Variants in KIAA1217 observed in about 807,000 individuals in gnomAD.
The protein encoded by KIAA1217 is KIAA1217.
KIAA1217 carries 88 observed loss-of-function variants against 163.9 expected under a neutral mutation model. The ratio of observed to expected loss-of-function variants is 0.54; its 90% CI spans 0.45 to 0.64. The LOEUF is 0.64. Ranked by LOEUF, KIAA1217 falls within the 30% of genes least tolerant of loss-of-function variation. The probability of loss-of-function intolerance (pLI) is 0.00; values close to 1 mark genes in which losing one functional copy is unlikely to be tolerated. For missense variants in KIAA1217, 2,372 were observed against 2,475.0 expected (o/e 0.96, Z 0.88); for synonymous variants, 903 against 923.1 (o/e 0.98, Z 0.39).
intron 2 of KIAA1217, among the ~76,000 whole-genome samples, chr10:24,367,661 TC>T (rs2050972277): frequency 6.6e-6 from 1 of 152,234 alleles, no homozygotes; most frequent in Admixed American, 6.5e-5. Context: ...TTCCAATGTG[TC>T]CAATGTTGGG....
At chr10:24,278,674 C>A (rs558536976) in intron 2 of KIAA1217, among the ~76,000 whole-genome samples, 1 of 152,118 alleles carries the variant, frequency 6.6e-6, no homozygotes, top group African/African-American at 2.4e-5. Context: ...CTAATGTGTG[C>A]TGTCTAGTGG....
rs977198920 is a variant in KIAA1217 at position 23,901,192 on chromosome 10, G to T, written c.-320-106033G>T. Among the ~76,000 whole-genome samples, 8 of 151,972 alleles carry T rather than the reference G, an allele frequency of 5.3e-5. 1 individual carries two copies. The highest frequency in any genetic ancestry group is 1.9e-4 in the African/African-American group (8 of 41,394). ...ATAAAGTAATTATAATTATTATTTA[G>T]CTGGGGAAATTTAGGTTAACAGAGG... On this transcript the variant is annotated intron_variant, in intron 1 of 18. Coordinates refer to the KIAA1217 transcript ENST00000376462.
At chr10:24,139,045 G>A (rs1348910659) in intron 2 of KIAA1217, among the ~76,000 whole-genome samples, 1 of 151,926 alleles carries the variant, frequency 6.6e-6, no homozygotes, top group Non-Finnish European at 1.5e-5. Flanking sequence ...GTAAACCTTT[G>A]TCATATTTGG....
chr10:23,790,298 C>CACATATGCATATAT lies in KIAA1217; in HGVS notation c.-321+95074_-321+95087dup, dbSNP rs1835750874. Among the ~76,000 whole-genome samples, 10 of 69,932 alleles carry CACATATGCATATAT rather than the reference C, an allele frequency of 1.4e-4. 2 individuals are homozygous for CACATATGCATATAT. The highest frequency in any genetic ancestry group is 6.2e-4 in the Admixed American group (4 of 6,432). 45.9% of individuals were successfully genotyped at this position (69,932 alleles called of 152,430 possible). A position where few individuals can be genotyped will look rare whatever the true frequency, so the allele number is the denominator to read the frequency against. On this transcript the variant is annotated intron_variant, in intron 1 of 18. Transcript: ENST00000376462. ...ATATGCATATGCACATATGCATATG[C>CACATATGCATATAT]ACATATGCATATATACATATGCACA...
intron 3 of KIAA1217, among the ~76,000 whole-genome samples, chr10:24,389,791 G>A (rs1286851456): frequency 1.3e-5 from 2 of 152,162 alleles, no homozygotes; most frequent in Non-Finnish European, 1.5e-5. Flanking sequence ...GAGAAGCAAG[G>A]CAGTTGTGGA....
At chr10:23,732,921 C>A (rs932241600) in intron 1 of KIAA1217, among the ~76,000 whole-genome samples, 3 of 152,068 alleles carry the variant, frequency 2.0e-5, no homozygotes, top group African/African-American at 7.2e-5. Flanking sequence ...GCCTTTACAT[C>A]ATACTTTGGA....
upstream of KIAA1217, among the ~76,000 whole-genome samples, chr10:24,207,280 T>TCACACACACACACACA (rs1218257115): frequency 1.0e-5 from 1 of 98,832 alleles, no homozygotes; most frequent in Admixed American, 1.1e-4. Flanking sequence ...TCTCTCTCTC[T>TCACACACACACACACA]CTCACACACA....
intron 2 of KIAA1217, among the ~76,000 whole-genome samples, chr10:24,168,703 C>T (rs1460420369): frequency 6.6e-6 from 1 of 152,242 alleles, no homozygotes; most frequent in Non-Finnish European, 1.5e-5. Flanking sequence ...GTCCCTGTTT[C>T]CTCTGTTCAC....
At chr10:24,307,941 C>T (rs2042194550) in intron 2 of KIAA1217, among the ~76,000 whole-genome samples, 1 of 152,226 alleles carries the variant, frequency 6.6e-6, no homozygotes, top group Non-Finnish European at 1.5e-5. Context: ...AATGTTGGGT[C>T]ACTGCCCGAG....
chr10:23,864,829 C>G (rs1268973809), intron 1 of KIAA1217, among the ~76,000 whole-genome samples: 1 of 152,102 alleles, frequency 6.6e-6, no homozygotes, highest in East Asian at 1.9e-4. Flanking sequence ...GGCTGGCAGG[C>G]TGGAGGCCAA....
At chr10:23,836,546 G>A (rs973054201) in intron 1 of KIAA1217, among the ~76,000 whole-genome samples, 7 of 146,192 alleles carry the variant, frequency 4.8e-5, no homozygotes, top group Admixed American at 2.7e-4. Flanking sequence ...TTGTATAAAT[G>A]TAAGAGGTAC....
chr10:23,906,754 T>A (rs1321055244), intron 1 of KIAA1217, among the ~76,000 whole-genome samples: 1 of 152,112 alleles, frequency 6.6e-6, no homozygotes, highest in African/African-American at 2.4e-5. Flanking sequence ...GGAGCTCTCA[T>A]AGGTATGTGC....
chr10:23,986,681 C>CCTTTCT (rs1312978865), intron 1 of KIAA1217, among the ~76,000 whole-genome samples: 1 of 152,136 alleles, frequency 6.6e-6, no homozygotes, highest in East Asian at 1.9e-4. Flanking sequence ...GCAAATGTGG[C>CCTTTCT]TTCCTGTGCT....
chr10:23,890,591 T>G (rs1841375916), intron 1 of KIAA1217, among the ~76,000 whole-genome samples: 1 of 151,938 alleles, frequency 6.6e-6, no homozygotes, highest in Non-Finnish European at 1.5e-5. Context: ...TAATTTAACT[T>G]TACTATGATA....
At chr10:24,490,591 A>G (rs1280202574) in intron 6 of KIAA1217, among the ~76,000 whole-genome samples, 1 of 152,248 alleles carries the variant, frequency 6.6e-6, no homozygotes, top group Non-Finnish European at 1.5e-5. Flanking sequence ...ATGAATCCTG[A>G]AACCAGACAC....
intron 2 of KIAA1217, among the ~76,000 whole-genome samples, chr10:24,066,730 CAG>C (rs1228160696): frequency 6.6e-6 from 1 of 152,210 alleles, no homozygotes; most frequent in Non-Finnish European, 1.5e-5. Context: ...TAATATCCTG[CAG>C]AGTGTTTTCC....
intron 2 of KIAA1217, among the ~76,000 whole-genome samples, chr10:24,052,331 T>C (rs553967155): frequency 6.6e-6 from 1 of 152,286 alleles, no homozygotes; most frequent in South Asian, 2.1e-4. Flanking sequence ...CTCAATAACG[T>C]TAAAAAATCA....
At chr10:24,380,791 T>A (rs937585074) in intron 2 of KIAA1217, 78 bp from the exon 3 acceptor site, 1 of 1,116,606 alleles carries the variant, frequency 9.0e-7, no homozygotes, top group African/African-American at 1.6e-5. Flanking sequence ...TCCAGATTAA[T>A]AGAAATGGCA....
intron 2 of KIAA1217, among the ~76,000 whole-genome samples, chr10:24,117,548 T>C (rs1354461994): frequency 6.6e-6 from 1 of 152,030 alleles, no homozygotes; most frequent in Non-Finnish European, 1.5e-5. Context: ...GGTGGGAAGA[T>C]CACTTGAGCC....
Sources: gnomAD v4.1 joint callset for allele counts (sites outside exome capture counted in the v4.1 genomes callset) on GRCh38, gnomAD v4.1.1 for gene constraint, MANE v1.5 for transcripts, NCBI Gene and HGNC (gene_info 2026-07-23, HGNC 2026-07-21) for gene names.